The following CFAP57 variants were observed in gnomAD, a reference collection of about 807,000 sequenced individuals.
CFAP57 encodes cilia and flagella associated protein 57, also known as cilia- and flagella-associated protein 57.
A neutral mutation model predicts 146.8 loss-of-function variants in CFAP57; 116 were observed. The ratio of observed to expected loss-of-function variants is 0.79; its 90% CI spans 0.68 to 0.92. The LOEUF is 0.92. Among genes scored for constraint, CFAP57 ranks in the 40% least tolerant of loss-of-function variants. The pLI, the probability that CFAP57 is intolerant of heterozygous loss-of-function variation, is 0.00. For synonymous variants in CFAP57, 518 were observed against 552.8 expected, an observed-to-expected ratio of 0.94 and a Z score of 0.88; for missense variants, 1,377 against 1,527.2, an observed-to-expected ratio of 0.90 and a Z score of 1.64.
At chr1:43,237,109 G>T (rs1422702253) in intron 21 of CFAP57, among the ~76,000 whole-genome samples, 3 of 152,106 alleles carry the variant, frequency 2.0e-5, no homozygotes, top group Admixed American at 6.6e-5. Context: ...TGACCTTGGT[G>T]TGTGCTGGTC....
At chr1:43,235,058 T>C (rs1645634768) in intron 21 of CFAP57, among the ~76,000 whole-genome samples, 1 of 152,012 alleles carries the variant, frequency 6.6e-6, no homozygotes, top group Non-Finnish European at 1.5e-5. Flanking sequence ...CATTCCCAAC[T>C]CTCATTTCAC....
rs143333623 is a variant in CFAP57 at position 43,179,640 on chromosome 1, C to G, written c.158-1894C>G. Among the ~76,000 whole-genome samples the G allele has an allele frequency of 7.9e-5, 12 of 152,254 alleles. No homozygotes were observed. The East Asian group carries it at 1.7e-3, about 22-fold the overall frequency. ...TGCCTCATCTAGGCTATTACATACT[C>G]CTAGTTTTAACTTTCCCTTATGCTT... On this transcript the variant is annotated intron_variant, in intron 2 of 22. Coordinates refer to ENST00000372492, the MANE Select transcript of CFAP57 (RefSeq NM_001378189.1).
At position 43,201,933 on chromosome 1, in the gene CFAP57, G is replaced by C. The variant is rs1024258477; in HGVS notation, c.1542+2430G>C. On this transcript the variant is annotated intron_variant, in intron 9 of 22. Coordinates refer to ENST00000372492, the MANE Select transcript of CFAP57 (RefSeq NM_001378189.1). The surrounding 1 kb of genome is among the most constrained non-coding windows in gnomAD (Gnocchi z 4.4). ...CCTGGCCCACGGACATTATTAATGA[G>C]AGCTGCTGAGCCTCCTCAGCTTCAG... 6.6e-6 allele frequency among the ~76,000 whole-genome samples: 1 copy of C among 152,118 alleles called. No homozygotes were observed. Among genetic ancestry groups the C allele is most frequent in the Non-Finnish European group, 1.5e-5 (1 of 68,010 alleles).
At chr1:43,183,975 C>G in intron 4 of CFAP57, 98 bp downstream of exon 4, 1 of 1,488,250 alleles carries the variant, frequency 6.7e-7, no homozygotes. Flanking sequence ...ACCCCTCTAC[C>G]GTAAAAGTCA....
intron 2 of CFAP57, among the ~76,000 whole-genome samples, chr1:43,181,329 C>G (rs1645397214): frequency 6.6e-6 from 1 of 152,186 alleles, no homozygotes; most frequent in Non-Finnish European, 1.5e-5. Context: ...ACCTCGGCCC[C>G]CTGAAGTGCC....
chr1:43,240,051 G>A (rs1477528757), intron 21 of CFAP57, among the ~76,000 whole-genome samples: 1 of 152,198 alleles, frequency 6.6e-6, no homozygotes, highest in Admixed American at 6.5e-5. Context: ...GCAAGGAGAA[G>A]GTCCATGGGA....
chr1:43,202,371 C>G (rs891444640), intron 9 of CFAP57, among the ~76,000 whole-genome samples: 1 of 151,858 alleles, frequency 6.6e-6, no homozygotes, highest in African/African-American at 2.4e-5. Flanking sequence ...TTTGAAAACA[C>G]GAAATAGACA....
chr1:43,242,994 C>T (rs1645984749), intron 21 of CFAP57, among the ~76,000 whole-genome samples: 1 of 152,168 alleles, frequency 6.6e-6, no homozygotes, highest in Non-Finnish European at 1.5e-5. Flanking sequence ...GACGTTGCAA[C>T]AAGCATGGGT....
Position 43,181,733 on chromosome 1 carries a change from C to G in CFAP57, c.357C>G (p.Ser119=), listed in dbSNP as rs1230048935. ...KFISMAFSPD[S]KYLLAQTSPP... ...TTAGCATGGCTTTTTCTCCAGACTC[C>G]AAATACCTATTGGCTCAGACGTCAC... Residue 119 remains serine, a synonymous_variant, in exon 3 of 23, where the codon TCC becomes TCG. Transcript: ENST00000372492. The G allele has an allele frequency of 6.2e-7, 1 of 1,614,144 alleles. No homozygotes were observed. Among genetic ancestry groups the G allele is most frequent in the East Asian group, 2.2e-5 (1 of 44,876 alleles).
intron 6 of CFAP57, 112 bp from the exon 7 acceptor site, chr1:43,197,441 C>T (rs1643912417): frequency 7.5e-7 from 1 of 1,331,416 alleles, no homozygotes; most frequent in East Asian, 2.3e-5. Context: ...TAGCCACAGC[C>T]TGATTTCTGT....
At chr1:43,245,470 A>C (rs1230606352) in intron 22 of CFAP57, among the ~76,000 whole-genome samples, 2 of 152,300 alleles carry the variant, frequency 1.3e-5, no homozygotes. Context: ...TTGAGAGAGA[A>C]GTCTAATCAA....
intron 2 of CFAP57, among the ~76,000 whole-genome samples, chr1:43,179,154 G>T (rs1411473109): frequency 6.6e-6 from 1 of 152,048 alleles, no homozygotes; most frequent in Non-Finnish European, 1.5e-5. Context: ...GGGAGGGGGA[G>T]GGATAGCATT....
intron 12 of CFAP57, among the ~76,000 whole-genome samples, chr1:43,217,295 G>A (rs1467341622): frequency 2.6e-5 from 4 of 152,144 alleles, no homozygotes; most frequent in African/African-American, 4.8e-5. Context: ...AACATGATTC[G>A]CATCTCGGAG....
chr1:43,188,262 C>G (rs1029424669), intron 6 of CFAP57, among the ~76,000 whole-genome samples: 2 of 152,044 alleles, frequency 1.3e-5, no homozygotes, highest in African/African-American at 4.8e-5. Flanking sequence ...AATAATGCAA[C>G]TAGTTTTTAT....
At chr1:43,227,734 C>T (rs1209094649) in intron 18 of CFAP57, among the ~76,000 whole-genome samples, 1 of 152,100 alleles carries the variant, frequency 6.6e-6, no homozygotes, top group African/African-American at 2.4e-5. Flanking sequence ...CCACCTTTCC[C>T]TGCAACGTGT....
chr1:43,173,626 C>T (rs1645061729), intron 2 of CFAP57, among the ~76,000 whole-genome samples: 1 of 152,190 alleles, frequency 6.6e-6, no homozygotes, highest in African/African-American at 2.4e-5. Flanking sequence ...ATTCACACAT[C>T]TCGATACATA....
At chr1:43,204,842 G>T (rs1383924072) in intron 9 of CFAP57, among the ~76,000 whole-genome samples, 1 of 152,116 alleles carries the variant, frequency 6.6e-6, no homozygotes, top group Non-Finnish European at 1.5e-5. Context: ...TCATAAGAGG[G>T]TACAGCCTTG....
chr1:43,211,093 AC>A (rs1454066204), intron 11 of CFAP57, among the ~76,000 whole-genome samples: 1 of 152,154 alleles, frequency 6.6e-6, no homozygotes, highest in African/African-American at 2.4e-5. Flanking sequence ...TTAGTGGCTT[AC>A]CTGCAACACT....
At chr1:43,243,199 C>G (rs1645991544) in intron 21 of CFAP57, 28 bp from the exon 22 acceptor site, 8 of 1,548,234 alleles carry the variant, frequency 5.2e-6, no homozygotes, top group Non-Finnish European at 7.0e-6. Context: ...TCCATCCACC[C>G]TCCCTCTCTC....
Sources: gnomAD v4.1 joint callset for allele counts (sites outside exome capture counted in the v4.1 genomes callset) on GRCh38, gnomAD v4.1.1 for gene constraint, Gnocchi (gnomAD v3.1) non-coding constraint, MANE v1.5 for transcripts, NCBI Gene and HGNC (gene_info 2026-07-23, HGNC 2026-07-21) for gene names.